Variants in PHACTR2 observed in about 807,000 individuals in gnomAD.
PHACTR2 encodes chromosome 6 open reading frame 56.
PHACTR2 carries 30 observed loss-of-function variants against 76.0 expected under a neutral mutation model. That is an observed-to-expected ratio of 0.39 (90% CI 0.30 to 0.54). PHACTR2 has a LOEUF of 0.54. Ranked by LOEUF, PHACTR2 falls within the 20% of genes least tolerant of loss-of-function variation. The pLI is 0.61. For synonymous variants in PHACTR2, 292 were observed against 292.5 expected (o/e 1.00, Z 0.02); for missense variants, 696 against 781.1 (o/e 0.89, Z 1.30).
At position 143,595,366 on chromosome 6, in the gene PHACTR2, T is replaced by C. The variant is rs1018109814; in HGVS notation, c.217+58159T>C. Among the ~76,000 whole-genome samples the C allele has an allele frequency of 2.0e-5, 3 of 152,244 alleles. No homozygotes were observed. Among genetic ancestry groups the C allele is most frequent in the Admixed American group, 6.5e-5 (1 of 15,286 alleles). On this transcript the variant is annotated intron_variant, in intron 1 of 11. Coordinates refer to the PHACTR2 transcript ENST00000367584. This position sits in a 1 kb window ranked among gnomAD's most constrained non-coding sequence, Gnocchi z 4.2. ...CAGCATTCGACCAAAATGCAGGGAT[T>C]TGGGCCACATTTACTTGGCTCCGGG...
rs1169964485 is a variant in PHACTR2, at chr6:143,775,377, A to G, written c.1589+1162A>G. On this transcript the variant is annotated intron_variant, in intron 8 of 12. Coordinates refer to ENST00000440869, the MANE Select transcript of PHACTR2 (RefSeq NM_001100164.2). The surrounding 1 kb of genome is among the most constrained non-coding windows in gnomAD (Gnocchi z 4.4). ...CTTAATTCAGCCCTAACCTGTGACC[A>G]TTTCTGGCTTCGGGAAAAAGCCAGC... Among the ~76,000 whole-genome samples the G allele has an allele frequency of 6.6e-6, 1 of 152,116 alleles. No individual in the cohort carries two copies. The highest frequency in any genetic ancestry group is 1.5e-5 in the Non-Finnish European group (1 of 68,026).
At chr6:143,661,519 T>C (rs980545610) in intron 1 of PHACTR2, among the ~76,000 whole-genome samples, 1 of 151,520 alleles carries the variant, frequency 6.6e-6, no homozygotes, top group South Asian at 2.1e-4. Flanking sequence ...TAGGTAAAGA[T>C]TGTTTCTTAT....
intron 1 of PHACTR2, among the ~76,000 whole-genome samples, chr6:143,590,852 C>T (rs1305142190): frequency 6.6e-6 from 1 of 152,038 alleles, no homozygotes; most frequent in Non-Finnish European, 1.5e-5. Context: ...GTTAATTTTG[C>T]CCTGTTGTGT....
Position 143,783,152 on chromosome 6 carries a change from TAC to T in PHACTR2, c.1646-64_1646-63del. The T allele has an allele frequency of 1.1e-6, 1 of 943,274 alleles. No homozygotes were observed. Among genetic ancestry groups the T allele is most frequent in the Admixed American group, 1.9e-5 (1 of 52,020 alleles). 58.4% of individuals were successfully genotyped at this position (943,274 alleles called of 1,614,324 possible). A position where few individuals can be genotyped will look rare whatever the true frequency, so the allele number is the denominator to read the frequency against. ...TTAGAGTCACATGATCGTGGCCTGA[TAC>T]ACTTTTCTGAATATGAAATCATCTA... On this transcript the variant is annotated intron_variant, in intron 9 of 12. Transcript: ENST00000440869. This position sits in a 1 kb window ranked among gnomAD's most constrained non-coding sequence, Gnocchi z 5.2.
upstream of PHACTR2, among the ~76,000 whole-genome samples, chr6:143,605,140 C>G (rs990150047): frequency 1.3e-5 from 2 of 151,892 alleles, no homozygotes; most frequent in African/African-American, 4.8e-5. This position sits in a 1 kb window ranked among gnomAD's most constrained non-coding sequence, Gnocchi z 5.0. Flanking sequence ...CTTAAAAAAC[C>G]CAGATAGTGA....
rs1171730368 is a variant in PHACTR2 at position 143,822,153 on chromosome 6, T to C, written c.1923-1521T>C. ...TGGGCCACTTTCTGAAAAGCCTTAC[T>C]TGCTACTCCAGGAACTTTAAATTTT... On this transcript the variant is annotated intron_variant, in intron 12 of 12. Transcript: ENST00000440869. The surrounding 1 kb of genome is among the most constrained non-coding windows in gnomAD (Gnocchi z 5.5). Among the ~76,000 whole-genome samples the C allele has an allele frequency of 1.3e-5, 2 of 152,210 alleles. No individual in the cohort carries two copies. The highest frequency in any genetic ancestry group is 2.9e-5 in the Non-Finnish European group (2 of 68,026).
chr6:143,605,614 G>A (rs1035773436), upstream of PHACTR2, among the ~76,000 whole-genome samples: 1 of 152,178 alleles, frequency 6.6e-6, no homozygotes, highest in African/African-American at 2.4e-5. The surrounding 1 kb of genome is among the most constrained non-coding windows in gnomAD (Gnocchi z 5.0). Flanking sequence ...TAGGTCCTCG[G>A]CAATGAATGC....
At chr6:143,590,377 C>T (rs77200307) in intron 1 of PHACTR2, among the ~76,000 whole-genome samples, 1,559 of 152,098 alleles carry the variant, frequency 0.01, 34 homozygotes, top group African/African-American at 0.035. Context: ...AGGAGAATGC[C>T]AGTCTGTGAC....
rs1474701010 is a variant in PHACTR2, at chr6:143,688,650, T to C, written c.46+10441T>C. Among the ~76,000 whole-genome samples, 1 of 152,144 alleles carries C rather than the reference T, an allele frequency of 6.6e-6. No individual in the cohort carries two copies. The highest frequency in any genetic ancestry group is 1.5e-5 in the Non-Finnish European group (1 of 68,026). On this transcript the variant is annotated intron_variant, in intron 1 of 12. Coordinates refer to ENST00000440869, the MANE Select transcript of PHACTR2 (RefSeq NM_001100164.2). The surrounding 1 kb of genome is among the most constrained non-coding windows in gnomAD (Gnocchi z 5.2). ...TCTTAAGTTTTCCTTTCCCCCTCCA[T>C]ATGGATCCATCAGCAGGTCTTGTCC...
chr6:143,755,299 C>T lies in PHACTR2; in HGVS notation c.454+1387C>T, dbSNP rs777203731. 6.1e-5 allele frequency: 28 copies of T among 455,932 alleles called. No individual in the cohort carries two copies. Among genetic ancestry groups the T allele is most frequent in the Middle Eastern group, 6.5e-4 (2 of 3,092 alleles). The allele number at this position is 455,932 out of a possible 1,614,324, so 28.2% of individuals were successfully genotyped here. ...TTGTTTAAGTCTTTCTGTCCTGTCT[C>T]GCCAGACTGTTGAATTTCAAATCCA... On this transcript the variant is annotated intron_variant, in intron 4 of 12. Transcript: ENST00000440869. The surrounding 1 kb of genome is among the most constrained non-coding windows in gnomAD (Gnocchi z 5.2).
At chr6:143,717,214 C>T (rs901210676) in intron 2 of PHACTR2, among the ~76,000 whole-genome samples, 2 of 152,158 alleles carry the variant, frequency 1.3e-5, no homozygotes, top group Non-Finnish European at 2.9e-5. Flanking sequence ...TGAGCACCTC[C>T]TTCCTCCAGC....
intron 1 of PHACTR2, among the ~76,000 whole-genome samples, chr6:143,551,889 A>ATTATTG (rs1775100853): frequency 6.6e-6 from 1 of 152,146 alleles, no homozygotes. Context: ...TAATAATGTG[A>ATTATTG]CCATTTATTA....
At chr6:143,814,625 C>T (rs986995471) in intron 12 of PHACTR2, among the ~76,000 whole-genome samples, 1 of 120,686 alleles carries the variant, frequency 8.3e-6, no homozygotes, top group Non-Finnish European at 1.6e-5. Context: ...TTTTTTAAGA[C>T]GGAGTCTCGC....
intron 12 of PHACTR2, among the ~76,000 whole-genome samples, chr6:143,810,201 A>C (rs1414623749): frequency 6.6e-6 from 1 of 152,240 alleles, no homozygotes; most frequent in Non-Finnish European, 1.5e-5. Context: ...GTTATTGAAC[A>C]ATTACACTAT....
chr6:143,669,946 C>T (rs767162779), intron 1 of PHACTR2, among the ~76,000 whole-genome samples: 4 of 152,120 alleles, frequency 2.6e-5, no homozygotes, highest in Non-Finnish European at 4.4e-5. Flanking sequence ...TTCATAGTGT[C>T]GATGGACTTT....
rs1781124867 is a variant in PHACTR2 at position 143,537,139 on chromosome 6, G to A, written c.149G>A (p.Arg50His). ...CCCGGGGACCCGAGCCCCCGCGGCC[G>A]CTCACAGAGCGACCTCTCGTCGTCC... The change falls in exon 1 of 12, where the codon CGC becomes CAC. Residue 50 changes from arginine to histidine, a missense_variant. Transcript: ENST00000367584. This position sits in a 1 kb window ranked among gnomAD's most constrained non-coding sequence, Gnocchi z 4.4. 4 of 325,476 alleles carry A rather than the reference G, an allele frequency of 1.2e-5. No individual in the cohort carries two copies. Among genetic ancestry groups the A allele is most frequent in the East Asian group, 8.0e-5 (1 of 12,484 alleles). 20.2% of individuals were successfully genotyped at this position (325,476 alleles called of 1,614,324 possible). A position where few individuals can be genotyped will look rare whatever the true frequency, so the allele number is the denominator to read the frequency against.
rs1451371415 is a variant in PHACTR2 at position 143,807,730 on chromosome 6, T to G, written c.1922+597T>G. 6.6e-6 allele frequency among the ~76,000 whole-genome samples: 1 copy of G among 152,234 alleles called. No homozygotes were observed. The highest frequency in any genetic ancestry group is 1.9e-4 in the East Asian group (1 of 5,202). ...TTTAGGATGGGAATCCTGATTTTAC[T>G]GGTGACGAAGGAGATCGCTATCATC... On this transcript the variant is annotated intron_variant, in intron 12 of 12. Coordinates refer to ENST00000440869, the MANE Select transcript of PHACTR2 (RefSeq NM_001100164.2). The surrounding 1 kb of genome is among the most constrained non-coding windows in gnomAD (Gnocchi z 5.5).
chr6:143,793,202 C>T lies in PHACTR2; in HGVS notation c.1845+4292C>T, dbSNP rs4896671. ...ATTGTCCAAACCCTAGAAACAGTTC[C>T]TTTTGACTCTTGTTCTTTTGTTGGA... On this transcript the variant is annotated intron_variant, in intron 11 of 12. Transcript: ENST00000440869. The surrounding 1 kb of genome is among the most constrained non-coding windows in gnomAD (Gnocchi z 4.4). Among the ~76,000 whole-genome samples the T allele has an allele frequency of 0.61, 92,061 of 152,030 alleles. 28,069 individuals are homozygous for T. The highest frequency in any genetic ancestry group is 0.69 in the East Asian group (3,541 of 5,164).
In PHACTR2 at chr6:143,599,178, T is replaced by C. The variant is rs531330144; in HGVS notation, c.217+61971T>C. The stretch of plus-strand genomic sequence containing the variant: ...CCTGGATAAGGAGACAAAAGCAGAA[T>C]GGTGAAAAAGAATCATTCTCTCAAT... On this transcript the variant is annotated intron_variant, in intron 1 of 11. Transcript: ENST00000367584. This position sits in a 1 kb window ranked among gnomAD's most constrained non-coding sequence, Gnocchi z 4.6. Among the ~76,000 whole-genome samples, 59 of 152,316 alleles carry C rather than the reference T, an allele frequency of 3.9e-4. No homozygotes were observed. The highest frequency in any genetic ancestry group is 1.1e-3 in the African/African-American group (46 of 41,586).
Sources: gnomAD v4.1 joint callset for allele counts (sites outside exome capture counted in the v4.1 genomes callset) on GRCh38, gnomAD v4.1.1 for gene constraint, Gnocchi (gnomAD v3.1) non-coding constraint, MANE v1.5 for transcripts, NCBI Gene and HGNC (gene_info 2026-07-23, HGNC 2026-07-21) for gene names.